Variants in LMNB1 observed in about 807,000 individuals in gnomAD.
LMNB1 encodes the protein lamin B1.
A neutral mutation model predicts 67.1 loss-of-function variants in LMNB1; 23 were observed. The observed-to-expected ratio is 0.34, with a 90% CI of 0.25 to 0.49. LMNB1 has a LOEUF of 0.49. Among genes scored for constraint, LMNB1 ranks in the 20% least tolerant of loss-of-function variants. The probability of loss-of-function intolerance (pLI) is 0.99; values close to 1 mark genes in which losing one functional copy is unlikely to be tolerated. For missense variants in LMNB1, 634 were observed against 746.5 expected, an observed-to-expected ratio of 0.85 and a Z score of 1.76; for synonymous variants, 281 against 282.9, an observed-to-expected ratio of 0.99 and a Z score of 0.07.
At chr5:126,798,367 G>C (rs906437988) in intron 1 of LMNB1, among the ~76,000 whole-genome samples, 3 of 150,594 alleles carry the variant, frequency 2.0e-5, no homozygotes, top group African/African-American at 7.3e-5. Flanking sequence ...GGTGAATGGC[G>C]TGAACCCAGG....
In LMNB1 at chr5:126,810,209, A is replaced by G. The variant is rs372510778; in HGVS notation, c.672A>G (p.Glu224=). Residue 224 remains glutamate (E), a synonymous_variant, in exon 4 of 11, where the codon GAA becomes GAG. Transcript: ENST00000261366. ...TTAACGAGACCAGAAGGAAGCATGAAACGCGCTTGGTAGAGGTGGATTCTG... is the reference window on the plus strand; with the variant it reads ...TTAACGAGACCAGAAGGAAGCATGAGACGCGCTTGGTAGAGGTGGATTCTG... ...EEINETRRKH[E]TRLVEVDSGR... 1.4e-5 allele frequency: 23 copies of G among 1,613,078 alleles called. No individual in the cohort carries two copies. Among genetic ancestry groups the G allele is most frequent in the Non-Finnish European group, 1.8e-5 (21 of 1,179,232 alleles).
In LMNB1 at chr5:126,777,352, C is replaced by T; in HGVS notation, c.-157C>T. 1.2e-6 allele frequency: 1 copy of T among 817,242 alleles called. No homozygotes were observed. Among genetic ancestry groups the T allele is most frequent in the Non-Finnish European group, 1.6e-6 (1 of 611,588 alleles). The allele number at this position is 817,242 out of a possible 1,614,324, so 50.6% of individuals were successfully genotyped here. A position where few individuals can be genotyped will look rare whatever the true frequency, so the allele number is the denominator to read the frequency against. ...CCTTTGTGCTGTAATCGAGCTCCCGCCATCCCAGGTGCTTCTCCGTTCCTC... is the reference window on the plus strand; with the variant it reads ...CCTTTGTGCTGTAATCGAGCTCCCGTCATCCCAGGTGCTTCTCCGTTCCTC... On this transcript the variant is annotated 5_prime_UTR_variant, in exon 1 of 11. Coordinates refer to ENST00000261366, the MANE Select transcript of LMNB1 (RefSeq NM_005573.4).
chr5:126,821,523 G>T (rs527745489), intron 7 of LMNB1, among the ~76,000 whole-genome samples: 1 of 152,190 alleles, frequency 6.6e-6, no homozygotes, highest in Non-Finnish European at 1.5e-5. Flanking sequence ...AAAGCTTACT[G>T]AAAGAAGGAG....
At chr5:126,831,566 T>G (rs1752130492) in intron 9 of LMNB1, among the ~76,000 whole-genome samples, 1 of 152,232 alleles carries the variant, frequency 6.6e-6, no homozygotes, top group African/African-American at 2.4e-5. Context: ...TTTTGTTTCA[T>G]TCAAGAGGTA....
intron 1 of LMNB1, among the ~76,000 whole-genome samples, chr5:126,785,375 T>A (rs563549218): frequency 6.6e-6 from 1 of 151,638 alleles, no homozygotes; most frequent in East Asian, 1.9e-4. Flanking sequence ...CACTACAGCC[T>A]CTGCCTCCCG....
At chr5:126,819,502 A>ATTTT (rs1554114887) in intron 6 of LMNB1, among the ~76,000 whole-genome samples, 1 of 103,128 alleles carries the variant, frequency 9.7e-6, no homozygotes, top group African/African-American at 3.5e-5. Flanking sequence ...TTATTTATTT[A>ATTTT]TTTTTGAGAC....
At position 126,836,329 on chromosome 5, in the gene LMNB1, C is replaced by A; in HGVS notation, c.*65C>A. The A allele has an allele frequency of 2.0e-6, 2 of 1,008,600 alleles. No homozygotes were observed. The highest frequency in any genetic ancestry group is 3.0e-6 in the Non-Finnish European group (2 of 669,936). The allele number at this position is 1,008,600 out of a possible 1,614,324, so 62.5% of individuals were successfully genotyped here. A position where few individuals can be genotyped will look rare whatever the true frequency, so the allele number is the denominator to read the frequency against. ...ATCTTTACCTGTATACAGTGCAGAGCCTTCTCAGAAGCACAGAATATTTTT... is the reference window on the plus strand; with the variant it reads ...ATCTTTACCTGTATACAGTGCAGAGACTTCTCAGAAGCACAGAATATTTTT... On this transcript the variant is annotated 3_prime_UTR_variant, in exon 11 of 11. Transcript: ENST00000261366.
intron 1 of LMNB1, among the ~76,000 whole-genome samples, chr5:126,783,784 T>C (rs1750691606): frequency 6.6e-6 from 1 of 152,184 alleles, no homozygotes; most frequent in Admixed American, 6.5e-5. Context: ...GTATAGATGG[T>C]GTCACCTCTG....
At chr5:126,829,003 A>G (rs1487127496) in intron 9 of LMNB1, among the ~76,000 whole-genome samples, 2 of 152,108 alleles carry the variant, frequency 1.3e-5, no homozygotes, top group East Asian at 3.9e-4. Flanking sequence ...GCATTTATTC[A>G]TTTAATTCGA....
chr5:126,798,782 T>TGTGTGTGTGC (rs927792414), intron 1 of LMNB1, among the ~76,000 whole-genome samples: 10 of 151,828 alleles, frequency 6.6e-5, no homozygotes, highest in South Asian at 4.1e-4. Flanking sequence ...TGTGTGTGTG[T>TGTGTGTGTGC]GTGCGTGTGC....
intron 1 of LMNB1, among the ~76,000 whole-genome samples, chr5:126,800,774 T>C (rs1246191631): frequency 7.5e-6 from 1 of 132,654 alleles, no homozygotes; most frequent in Non-Finnish European, 1.6e-5. Flanking sequence ...CGCCTCAGCC[T>C]CCTGAGTAGC....
chr5:126,779,499 A>G (rs1316243226), intron 1 of LMNB1, among the ~76,000 whole-genome samples: 3 of 152,230 alleles, frequency 2.0e-5, no homozygotes, highest in Non-Finnish European at 4.4e-5. Context: ...CGTTGCTTGT[A>G]AGACTTGCCA....
Position 126,777,823 on chromosome 5 carries a change from C to G in LMNB1, c.315C>G (p.Ile105Met). 1.3e-6 allele frequency: 2 copies of G among 1,483,008 alleles called. No individual in the cohort carries two copies. The highest frequency in any genetic ancestry group is 1.8e-6 in the Non-Finnish European group (2 of 1,115,360). 91.9% of individuals were successfully genotyped at this position (1,483,008 alleles called of 1,614,324 possible). A position where few individuals can be genotyped will look rare whatever the true frequency, so the allele number is the denominator to read the frequency against. Reference sequence around the variant, plus strand: ...CCCGCGAGCGCGCCAAGCTGCAGATCGAGCTGGGCAAGTGCAAGGCGGAAC... The same window carrying G: ...CCCGCGAGCGCGCCAAGCTGCAGATGGAGCTGGGCAAGTGCAAGGCGGAAC... ...DTARERAKLQ[I>M]ELGKCKAEHD... The change falls in exon 1 of 11, where the codon ATC becomes ATG. Residue 105 changes from isoleucine to methionine, a missense_variant. Physicochemically the swap from Ile to Met is conservative, Grantham distance 10. Transcript: ENST00000261366.
chr5:126,790,030 C>G (rs548580650), intron 1 of LMNB1, among the ~76,000 whole-genome samples: 32 of 151,778 alleles, frequency 2.1e-4, no homozygotes, highest in Non-Finnish European at 4.1e-4. Flanking sequence ...TCTTGAACTC[C>G]CGACCTCAGA....
intron 1 of LMNB1, among the ~76,000 whole-genome samples, chr5:126,803,544 G>A (rs938921824): frequency 6.6e-6 from 1 of 150,406 alleles, no homozygotes; most frequent in South Asian, 2.1e-4. Flanking sequence ...CACCACGCCC[G>A]GCCTGTTTGT....
intron 6 of LMNB1, among the ~76,000 whole-genome samples, chr5:126,820,560 C>CCA (rs1660741002): frequency 6.6e-6 from 1 of 152,130 alleles, no homozygotes; most frequent in South Asian, 2.1e-4. Context: ...GGTTTTCACT[C>CCA]TGTCACCCAG....
rs574065182 is a variant in LMNB1 at position 126,793,634 on chromosome 5, G to T, written c.360-11142G>T. On this transcript the variant is annotated intron_variant, in intron 1 of 10. Transcript: ENST00000261366. ...TCACGCCTGTAATCCCAGCACTTTG[G>T]GAGGCCGAGGCAGGTGGATCTCCTG... Among the ~76,000 whole-genome samples the T allele has an allele frequency of 3.9e-5, 6 of 152,260 alleles. No homozygotes were observed. The East Asian group carries it at 9.7e-4, about 25-fold the overall frequency.
chr5:126,787,544 A>ATTTTTTTTTTTTTT (rs1222029249), intron 1 of LMNB1, among the ~76,000 whole-genome samples: 1 of 76,298 alleles, frequency 1.3e-5, no homozygotes, highest in African/African-American at 5.3e-5. Flanking sequence ...ATATATATAT[A>ATTTTTTTTTTTTTT]TATTTTTTTT....
rs544012958 is a variant in LMNB1 at position 126,832,447 on chromosome 5, G to A, written c.1612-247G>A. On this transcript the variant is annotated intron_variant, in intron 9 of 10. Transcript: ENST00000261366. The stretch of plus-strand genomic sequence containing the variant: ...CCTGAGTAGCTGGGATTACAGGCAC[G>A]TGCCATCATGGCCAGCTAATTTTTG... Among the ~76,000 whole-genome samples the A allele has an allele frequency of 2.0e-5, 3 of 151,888 alleles. No individual in the cohort carries two copies. The South Asian group carries it at 6.2e-4, about 31-fold the overall frequency.
Sources: gnomAD v4.1 joint callset for allele counts (sites outside exome capture counted in the v4.1 genomes callset) on GRCh38, gnomAD v4.1.1 for gene constraint, MANE v1.5 for transcripts, NCBI Gene and HGNC (gene_info 2026-07-23, HGNC 2026-07-21) for gene names.